The following CDH13 variants were observed in gnomAD, a reference collection of about 807,000 sequenced individuals.
CDH13 encodes the protein cadherin 13.
CDH13 carries 24 observed loss-of-function variants against 63.8 expected under a neutral mutation model. The ratio of observed to expected loss-of-function variants is 0.38; its 90% confidence interval spans 0.27 to 0.53. CDH13 has a LOEUF of 0.53. Among genes scored for constraint, CDH13 ranks in the 20% least tolerant of loss-of-function variants. The pLI, the probability that CDH13 is intolerant of heterozygous loss-of-function variation, is 0.85. For missense variants in CDH13, 1,049 were observed against 903.1 expected, an observed-to-expected ratio of 1.16 and a Z score of -2.07; for synonymous variants, 503 against 355.3, an observed-to-expected ratio of 1.42 and a Z score of -4.67.
intron 4 of CDH13, among the ~76,000 whole-genome samples, chr16:83,125,828 G>T (rs974282700): frequency 6.6e-6 from 1 of 152,080 alleles, no homozygotes; most frequent in African/African-American, 2.4e-5. Context: ...GGGCCCCCTA[G>T]GATGGTAGTA....
intron 6 of CDH13, among the ~76,000 whole-genome samples, chr16:83,356,364 T>C (rs1363889746): frequency 1.3e-5 from 2 of 151,890 alleles, no homozygotes; most frequent in Non-Finnish European, 2.9e-5. Flanking sequence ...TTACTGGTGG[T>C]AACCTCAAAT....
chr16:83,767,118 C>T lies in CDH13; in HGVS notation c.1682-12850C>T, dbSNP rs140791031. 1.6e-3 allele frequency among the ~76,000 whole-genome samples: 241 copies of T among 152,308 alleles called. 1 individual carries two copies. Among genetic ancestry groups the T allele is most frequent in the African/African-American group, 5.6e-3 (233 of 41,564 alleles). ...TGGCAAGACCAGGGATCCTATTCTT[C>T]TAATGGGACCCTCTTGGGAGAGGCA... On this transcript the variant is annotated intron_variant, in intron 11 of 13. Transcript: ENST00000567109.
At chr16:83,371,160 C>T (rs1300615376) in intron 6 of CDH13, among the ~76,000 whole-genome samples, 3 of 152,238 alleles carry the variant, frequency 2.0e-5, no homozygotes, top group Admixed American at 1.3e-4. Flanking sequence ...TACCATTCAA[C>T]CTAGCAGTCT....
At chr16:83,586,677 G>A (rs914850617) in intron 7 of CDH13, among the ~76,000 whole-genome samples, 1 of 152,172 alleles carries the variant, frequency 6.6e-6, no homozygotes, top group Non-Finnish European at 1.5e-5. Context: ...TGCCTCGTGG[G>A]AGCAGGTCAG....
Position 83,078,983 on chromosome 16 carries a change from C to T in CDH13, c.367-46402C>T, listed in dbSNP as rs140719537. On this transcript the variant is annotated intron_variant, in intron 3 of 13. Transcript: ENST00000567109. ...CTAATTTTTGTATATTTAGTAGAGA[C>T]GGGGTTTCACCATGTTGGCCAGGCT... Among the ~76,000 whole-genome samples, 469 of 152,140 alleles carry T rather than the reference C, an allele frequency of 3.1e-3. 4 individuals are homozygous for T. The highest frequency in any genetic ancestry group is 6.8e-3 in the Middle Eastern group (2 of 294).
intron 3 of CDH13, among the ~76,000 whole-genome samples, chr16:83,093,036 T>C (rs181166942): frequency 1.3e-5 from 2 of 152,336 alleles, no homozygotes; most frequent in Admixed American, 6.5e-5. Flanking sequence ...TAAAATACCT[T>C]ATTTTTCTCT....
intron 4 of CDH13, among the ~76,000 whole-genome samples, chr16:83,178,999 T>G (rs2038239993): frequency 6.6e-6 from 1 of 152,170 alleles, no homozygotes; most frequent in Non-Finnish European, 1.5e-5. Flanking sequence ...AAAGGAGGTA[T>G]ATTTTTACAC....
intron 10 of CDH13, among the ~76,000 whole-genome samples, chr16:83,730,055 C>T (rs1053458747): frequency 1.3e-5 from 2 of 152,204 alleles, no homozygotes; most frequent in African/African-American, 4.8e-5. Context: ...AGATTTACTT[C>T]GTATGTGTTG....
intron 3 of CDH13, among the ~76,000 whole-genome samples, chr16:83,042,767 G>C (rs542118547): frequency 6.6e-6 from 1 of 152,146 alleles, no homozygotes; most frequent in Non-Finnish European, 1.5e-5. Context: ...CATTGACTGG[G>C]AGTGACATGG....
intron 10 of CDH13, among the ~76,000 whole-genome samples, chr16:83,739,431 T>C (rs1348638233): frequency 6.6e-6 from 1 of 152,202 alleles, no homozygotes; most frequent in Non-Finnish European, 1.5e-5. Flanking sequence ...TGTGCCTTTT[T>C]TCTGTGCTGT....
chr16:82,737,290 C>G (rs72803997), intron 1 of CDH13, among the ~76,000 whole-genome samples: 6,369 of 152,306 alleles, frequency 0.042, 155 homozygotes, highest in African/African-American at 0.054. Flanking sequence ...ATGGAGCCCT[C>G]TCCCATGTCT....
intron 8 of CDH13, among the ~76,000 whole-genome samples, chr16:83,626,332 C>A (rs1910300796): frequency 6.6e-6 from 1 of 152,178 alleles, no homozygotes; most frequent in Admixed American, 6.5e-5. Context: ...CACACACTGT[C>A]TGGGACCTTC....
intron 3 of CDH13, among the ~76,000 whole-genome samples, chr16:83,059,251 G>C (rs971549591): frequency 6.6e-6 from 1 of 152,178 alleles, no homozygotes; most frequent in African/African-American, 2.4e-5. Flanking sequence ...CTGAAAAATA[G>C]AGGGACTGGA....
intron 2 of CDH13, among the ~76,000 whole-genome samples, chr16:82,920,426 C>G (rs1028489943): frequency 6.6e-6 from 1 of 152,208 alleles, no homozygotes; most frequent in Admixed American, 6.5e-5. Flanking sequence ...GGGTCCTGTG[C>G]TCGTCCATGA....
At chr16:82,690,370 A>G (rs1189543743) in intron 1 of CDH13, among the ~76,000 whole-genome samples, 1 of 152,132 alleles carries the variant, frequency 6.6e-6, no homozygotes, top group East Asian at 1.9e-4. Flanking sequence ...TTAGCTATAA[A>G]TGAAGAACTT....
chr16:83,565,986 A>G (rs1054120773), intron 7 of CDH13, among the ~76,000 whole-genome samples: 17 of 152,108 alleles, frequency 1.1e-4, no homozygotes, highest in Admixed American at 9.2e-4. Context: ...ACTCCATTGC[A>G]TATTGTTTAA....
At chr16:83,327,032 G>A (rs2090378984) in intron 5 of CDH13, among the ~76,000 whole-genome samples, 1 of 152,246 alleles carries the variant, frequency 6.6e-6, no homozygotes, top group Non-Finnish European at 1.5e-5. Flanking sequence ...TTGAGCTAGG[G>A]TTGTAAGAAT....
chr16:83,106,371 C>A (rs2034765111), intron 3 of CDH13, among the ~76,000 whole-genome samples: 1 of 152,164 alleles, frequency 6.6e-6, no homozygotes, highest in East Asian at 1.9e-4. Context: ...AACCCTGTCT[C>A]TACTAAAGAT....
intron 7 of CDH13, among the ~76,000 whole-genome samples, chr16:83,511,065 C>T (rs1033561156): frequency 1.3e-4 from 11 of 82,810 alleles, no homozygotes; most frequent in African/African-American, 2.2e-4. Context: ...CACACAGACA[C>T]GCACACACAT....
Sources: allele counts gnomAD v4.1 joint callset (sites outside exome capture counted in the v4.1 genomes callset), GRCh38; gene constraint gnomAD v4.1.1; transcripts MANE v1.5; gene names NCBI Gene and HGNC (gene_info 2026-07-23, HGNC 2026-07-21).